The following DLG2 variants were observed in gnomAD, a reference collection of about 807,000 sequenced individuals.
DLG2 encodes the protein discs large MAGUK scaffold protein 2.
A neutral mutation model predicts 132.5 loss-of-function variants in DLG2; 45 were observed. That is an observed-to-expected ratio of 0.34 (90% CI 0.27 to 0.44). The LOEUF is 0.44. Ranked by LOEUF, DLG2 falls within the 20% of genes least tolerant of loss-of-function variation. The probability of loss-of-function intolerance (pLI) is 1.00; values close to 1 mark genes in which losing one functional copy is unlikely to be tolerated. For missense variants in DLG2, 1,045 were observed against 1,196.9 expected (o/e 0.87, Z 1.87); for synonymous variants, 424 against 419.6 (o/e 1.01, Z -0.13).
At chr11:85,501,671 CTCA>C (rs1365343100) in intron 3 of DLG2, among the ~76,000 whole-genome samples, 2 of 152,178 alleles carry the variant, frequency 1.3e-5, no homozygotes, top group Non-Finnish European at 2.9e-5. Context: ...TGAAAAAATG[CTCA>C]TCATCTCTGG....
intron 6 of DLG2, among the ~76,000 whole-genome samples, chr11:84,691,908 C>T (rs1045548633): frequency 1.3e-5 from 2 of 151,688 alleles, no homozygotes; most frequent in Non-Finnish European, 2.9e-5. Flanking sequence ...TCCTCCTTCC[C>T]TGGTATTCTA....
chr11:84,763,848 C>T (rs2068009402), intron 6 of DLG2, among the ~76,000 whole-genome samples: 1 of 152,038 alleles, frequency 6.6e-6, no homozygotes, highest in East Asian at 1.9e-4. Context: ...AGATATATAC[C>T]TCTATAATTT....
At chr11:83,632,205 A>C (rs2063683729) in intron 19 of DLG2, 1 of 152,220 alleles carries the variant, frequency 6.6e-6, no homozygotes, top group Non-Finnish European at 1.5e-5. Context: ...TACCAAATAC[A>C]TACAAAACTT....
intron 6 of DLG2, among the ~76,000 whole-genome samples, chr11:84,755,626 TG>T (rs1487895069): frequency 6.6e-6 from 1 of 152,160 alleles, no homozygotes; most frequent in Non-Finnish European, 1.5e-5. Flanking sequence ...GGTTACACCG[TG>T]TTAGCCAGGA....
At chr11:85,161,987 T>C (rs945597416) in intron 4 of DLG2, among the ~76,000 whole-genome samples, 2 of 152,200 alleles carry the variant, frequency 1.3e-5, no homozygotes, top group African/African-American at 4.8e-5. Context: ...CCCCTGTTCC[T>C]GCAACATTAC....
chr11:84,720,531 C>T (rs1019983871), intron 6 of DLG2: 4 of 978,984 alleles, frequency 4.1e-6, no homozygotes, highest in South Asian at 4.7e-5. Context: ...CATCCCGGAG[C>T]CCCGGTGGAA....
At chr11:83,725,159 A>C (rs1337676760) in intron 18 of DLG2, 1 of 454,330 alleles carries the variant, frequency 2.2e-6, no homozygotes, top group Admixed American at 3.4e-5. Context: ...GATGTTGGCT[A>C]TCTCACTCAC....
chr11:84,843,877 T>C (rs74777262), intron 6 of DLG2, among the ~76,000 whole-genome samples: 3 of 151,598 alleles, frequency 2.0e-5, no homozygotes, highest in South Asian at 2.1e-4. Flanking sequence ...TGTGTGTATA[T>C]ACTTATTTCT....
chr11:83,786,914 A>G (rs1422466923), intron 17 of DLG2, 122 bp from the exon 18 acceptor site: 6 of 690,486 alleles, frequency 8.7e-6, no homozygotes, highest in African/African-American at 5.4e-5. Context: ...AACCCCTCAT[A>G]TCCTACTCAG....
intron 3 of DLG2, among the ~76,000 whole-genome samples, chr11:85,546,327 T>A (rs2076322118): frequency 6.6e-6 from 1 of 152,212 alleles, no homozygotes. Context: ...AATCCTGAGT[T>A]CTAATTTGAT....
At chr11:84,407,303 T>C (rs2098858808) in intron 7 of DLG2, among the ~76,000 whole-genome samples, 2 of 152,124 alleles carry the variant, frequency 1.3e-5, no homozygotes, top group African/African-American at 4.8e-5. Context: ...AGGGCCCTGC[T>C]AATCCCTGAC....
chr11:85,461,151 T>A (rs1317295361), intron 3 of DLG2, among the ~76,000 whole-genome samples: 5 of 152,220 alleles, frequency 3.3e-5, no homozygotes, highest in African/African-American at 1.2e-4. Context: ...ATCCAGCATA[T>A]CAAGATAAAC....
chr11:84,302,538 G>T (rs943870367), intron 7 of DLG2, among the ~76,000 whole-genome samples: 11 of 152,052 alleles, frequency 7.2e-5, no homozygotes, highest in Non-Finnish European at 1.5e-4. Flanking sequence ...AATAAAATTT[G>T]TATCTTTCAC....
At chr11:83,837,137 G>C (rs1002725854) in intron 16 of DLG2, among the ~76,000 whole-genome samples, 1 of 152,132 alleles carries the variant, frequency 6.6e-6, no homozygotes, top group Non-Finnish European at 1.5e-5. Context: ...GGCAGGCAGA[G>C]TGGTTTTCCA....
chr11:84,005,886 T>A (rs1448079082), intron 11 of DLG2, among the ~76,000 whole-genome samples: 1 of 151,828 alleles, frequency 6.6e-6, no homozygotes, highest in Non-Finnish European at 1.5e-5. Context: ...TGTAAAATAG[T>A]GCAGCCATTT....
chr11:85,178,976 T>A (rs2079514712), intron 4 of DLG2, among the ~76,000 whole-genome samples: 1 of 151,752 alleles, frequency 6.6e-6, no homozygotes, highest in Admixed American at 6.6e-5. Flanking sequence ...TTTTCCAGGA[T>A]TTCAAAAAGA....
intron 6 of DLG2, among the ~76,000 whole-genome samples, chr11:84,839,222 A>G (rs550789061): frequency 5.3e-5 from 8 of 152,166 alleles, no homozygotes; most frequent in Admixed American, 2.0e-4. Context: ...GAGCTGAATC[A>G]TGAGTGAATT....
intron 7 of DLG2, among the ~76,000 whole-genome samples, chr11:84,345,168 A>G (rs1482059174): frequency 6.6e-6 from 1 of 152,192 alleles, no homozygotes; most frequent in Non-Finnish European, 1.5e-5. Context: ...CAGCCAGATC[A>G]TTTGTTTTCC....
intron 4 of DLG2, among the ~76,000 whole-genome samples, chr11:85,253,810 A>G (rs866020479): frequency 9.9e-5 from 15 of 152,116 alleles, no homozygotes; most frequent in Admixed American, 3.3e-4. Flanking sequence ...GAGAAGGGAA[A>G]AAAATGCCAA....
Sources: allele counts gnomAD v4.1 joint callset (sites outside exome capture counted in the v4.1 genomes callset), GRCh38; gene constraint gnomAD v4.1.1; transcripts MANE v1.5; gene names NCBI Gene and HGNC (gene_info 2026-07-23, HGNC 2026-07-21).